Variants in MROH9 observed in about 807,000 individuals in gnomAD.
MROH9 encodes maestro heat-like repeat-containing protein family member 9.
Under a neutral mutation model 98.2 loss-of-function variants are expected in MROH9, and 92 were observed. That is an observed-to-expected ratio of 0.94 (90% CI 0.79 to 1.11). The LOEUF (loss-of-function observed/expected upper bound fraction) is 1.11, where lower values mean the gene tolerates loss of function less well. MROH9 is among the 50% of genes most tolerant of loss of function. MROH9 has a pLI of 0.00. For synonymous variants in MROH9, 397 were observed against 368.9 expected (o/e 1.08, Z -0.87); for missense variants, 1,057 against 1,014.8 (o/e 1.04, Z -0.57).
At chr1:170,957,992 G>A (rs1374670294) in intron 3 of MROH9, among the ~76,000 whole-genome samples, 5 of 152,024 alleles carry the variant, frequency 3.3e-5, no homozygotes, top group Non-Finnish European at 5.9e-5. Flanking sequence ...TCTATTTTTA[G>A]TAGAGACGGG....
At chr1:171,063,945 G>A (rs948272525) in intron 21 of MROH9, among the ~76,000 whole-genome samples, 154 bp from the exon 22 acceptor site, 2 of 152,094 alleles carry the variant, frequency 1.3e-5, no homozygotes, top group Non-Finnish European at 2.9e-5. Context: ...CTTCCTGAAT[G>A]CTATCAGCCA....
intron 9 of MROH9, 79 bp from the exon 10 acceptor site, chr1:170,986,482 C>T: frequency 6.8e-7 from 1 of 1,479,026 alleles, no homozygotes; most frequent in Non-Finnish European, 9.1e-7. Context: ...TCTTGAGCAT[C>T]CCCCACCATG....
chr1:170,973,105 A>G (rs1221739860), intron 8 of MROH9, among the ~76,000 whole-genome samples: 5 of 151,914 alleles, frequency 3.3e-5, no homozygotes, highest in Non-Finnish European at 7.4e-5. Context: ...ACATGAGTGC[A>G]TGCACACGCA....
rs148857812 is a variant in MROH9 at position 171,019,349 on chromosome 1, C to G, written c.1908+3013C>G. 1.5e-4 allele frequency among the ~76,000 whole-genome samples: 23 copies of G among 152,192 alleles called. No homozygotes were observed. The East Asian group carries it at 4.4e-3, about 29-fold the overall frequency. On this transcript the variant is annotated intron_variant, in intron 17 of 21. Transcript: ENST00000367759. Reference sequence around the variant, plus strand: ...AGGGAAATTTATGGCACTAAATGCCCATGTCATAAGGCTAGAAACATCGGC... The same window carrying G: ...AGGGAAATTTATGGCACTAAATGCCGATGTCATAAGGCTAGAAACATCGGC...
At chr1:171,053,308 C>T (rs1653729672) in intron 20 of MROH9, among the ~76,000 whole-genome samples, 1 of 152,172 alleles carries the variant, frequency 6.6e-6, no homozygotes, top group Non-Finnish European at 1.5e-5. Context: ...AAAATGTTGT[C>T]CTCCTCTTGG....
chr1:171,014,993 T>C (rs749759905), intron 16 of MROH9: 1 of 471,854 alleles, frequency 2.1e-6, no homozygotes, highest in South Asian at 1.5e-5. Flanking sequence ...CTCACATGAA[T>C]ACTTCTTACC....
intron 21 of MROH9, among the ~76,000 whole-genome samples, chr1:171,063,515 G>A (rs964486679): frequency 6.6e-6 from 1 of 152,136 alleles, no homozygotes; most frequent in African/African-American, 2.4e-5. Flanking sequence ...GTCTCCCGAA[G>A]TGCTGGGATT....
intron 6 of MROH9, 32 bp downstream of exon 6, chr1:170,962,008 G>T (rs1650034363): frequency 8.1e-7 from 1 of 1,239,044 alleles, no homozygotes; most frequent in Non-Finnish European, 1.1e-6. Context: ...TAATTTTCTT[G>T]TCATAAGTCT....
intron 15 of MROH9, among the ~76,000 whole-genome samples, chr1:171,005,619 A>T (rs1454152901): frequency 6.6e-6 from 1 of 152,072 alleles, no homozygotes; most frequent in Admixed American, 6.5e-5. Flanking sequence ...TTGTATGTTT[A>T]TTTTGTATTC....
chr1:171,032,967 T>C (rs933796811), intron 20 of MROH9, among the ~76,000 whole-genome samples: 1 of 152,208 alleles, frequency 6.6e-6, no homozygotes, highest in Non-Finnish European at 1.5e-5. Context: ...CCTGAGCCCC[T>C]GGCTGGAGTT....
intron 20 of MROH9, among the ~76,000 whole-genome samples, chr1:171,050,455 A>T (rs1653627610): frequency 6.6e-6 from 1 of 152,106 alleles, no homozygotes; most frequent in Non-Finnish European, 1.5e-5. Flanking sequence ...GATGGGATTT[A>T]GTTCTTGATT....
intron 15 of MROH9, among the ~76,000 whole-genome samples, chr1:171,013,455 AGAGTT>A (rs1652226461): frequency 6.6e-6 from 1 of 152,162 alleles, no homozygotes; most frequent in Non-Finnish European, 1.5e-5. Flanking sequence ...CTGAGGTAGA[AGAGTT>A]TTACACCCTC....
intron 8 of MROH9, among the ~76,000 whole-genome samples, chr1:170,973,134 C>T (rs1650536246): frequency 6.6e-6 from 1 of 152,048 alleles, no homozygotes; most frequent in South Asian, 2.1e-4. Flanking sequence ...CACACACACG[C>T]ACGCACAAAC....
At chr1:170,949,113 C>A (rs183224819) in intron 3 of MROH9, among the ~76,000 whole-genome samples, 100 of 152,138 alleles carry the variant, frequency 6.6e-4, no homozygotes, top group Middle Eastern at 6.8e-3. Context: ...CTCTTTGAGG[C>A]AAGGAGGTTT....
At chr1:171,038,990 C>A (rs573353160) in intron 20 of MROH9, among the ~76,000 whole-genome samples, 3 of 152,038 alleles carry the variant, frequency 2.0e-5, no homozygotes, top group Admixed American at 1.3e-4. Flanking sequence ...GGTAGCAACC[C>A]GGATGTAGCT....
chr1:170,944,927 G>A (rs879308972), intron 1 of MROH9, among the ~76,000 whole-genome samples: 3 of 151,978 alleles, frequency 2.0e-5, no homozygotes, highest in Admixed American at 2.0e-4. Context: ...GTTATATAAC[G>A]TGAAAGAAGG....
intron 20 of MROH9, among the ~76,000 whole-genome samples, chr1:171,061,790 A>G (rs1280325675): frequency 6.6e-6 from 1 of 152,204 alleles, no homozygotes; most frequent in Non-Finnish European, 1.5e-5. Context: ...AGCAGACACA[A>G]AAGAATATAT....
intron 1 of MROH9, among the ~76,000 whole-genome samples, chr1:170,941,093 C>A (rs530358217): frequency 2.6e-5 from 4 of 152,306 alleles, no homozygotes; most frequent in Admixed American, 2.6e-4. Flanking sequence ...GATCTCCTGA[C>A]CTCCCTAGTT....
At chr1:171,056,648 G>A (rs1299429214) in intron 20 of MROH9, among the ~76,000 whole-genome samples, 1 of 152,154 alleles carries the variant, frequency 6.6e-6, no homozygotes, top group Non-Finnish European at 1.5e-5. Context: ...TCATTAAATG[G>A]GTCCTGTTCC....
Sources: gnomAD v4.1 joint callset for allele counts (sites outside exome capture counted in the v4.1 genomes callset) on GRCh38, gnomAD v4.1.1 for gene constraint, MANE v1.5 for transcripts, NCBI Gene and HGNC (gene_info 2026-07-23, HGNC 2026-07-21) for gene names.